Variants in ZNF746 observed in about 807,000 individuals in gnomAD.
The protein encoded by ZNF746 is zinc finger protein 746, also known as parkin-interacting substrate.
In ZNF746, 13 loss-of-function variants were observed where a neutral mutation model predicts 41.0. The observed-to-expected ratio is 0.32, with a 90% CI of 0.21 to 0.50. ZNF746 has a LOEUF of 0.50. Ranked by LOEUF, ZNF746 falls within the 20% of genes least tolerant of loss-of-function variation. ZNF746 has a pLI of 0.98. For missense variants in ZNF746, 811 were observed against 922.9 expected, an observed-to-expected ratio of 0.88 and a Z score of 1.57; for synonymous variants, 424 against 396.2, an observed-to-expected ratio of 1.07 and a Z score of -0.83.
At chr7:149,480,594 C>T (rs1208860171) in intron 4 of ZNF746, among the ~76,000 whole-genome samples, 2 of 151,930 alleles carry the variant, frequency 1.3e-5, no homozygotes, top group East Asian at 3.9e-4. Flanking sequence ...GCCTCTAGGC[C>T]CAGCTAATTT....
Position 149,497,743 on chromosome 7 carries a change from T to A in ZNF746, c.-207A>T. ...CGCCCGGCCGGTCCACACTGCATCC[T>A]GGGAGCCGGCGCCGCGGCCCGGCAG... On this transcript the variant is annotated 5_prime_UTR_variant, in exon 1 of 7. Transcript: ENST00000458143. This position sits in a 1 kb window ranked among gnomAD's most constrained non-coding sequence, Gnocchi z 4.2. 5.3e-6 allele frequency: 1 copy of A among 188,404 alleles called. No individual in the cohort carries two copies. The highest frequency in any genetic ancestry group is 9.9e-6 in the Non-Finnish European group (1 of 100,818). The allele number at this position is 188,404 out of a possible 1,614,324, so 11.7% of individuals were successfully genotyped here.
intron 5 of ZNF746, 36 bp downstream of exon 5, chr7:149,477,528 C>T (rs776865611): frequency 2.6e-6 from 4 of 1,562,594 alleles, no homozygotes; most frequent in Non-Finnish European, 3.5e-6. Context: ...GTGATCCCTG[C>T]AACTTGTTCC....
Position 149,497,060 on chromosome 7 carries a change from C to T in ZNF746, c.24+453G>A. 4.1e-6 allele frequency: 4 copies of T among 985,440 alleles called. No individual in the cohort carries two copies. The highest frequency in any genetic ancestry group is 4.8e-6 in the Non-Finnish European group (4 of 829,938). 61.0% of individuals were successfully genotyped at this position (985,440 alleles called of 1,614,324 possible). A position where few individuals can be genotyped will look rare whatever the true frequency, so the allele number is the denominator to read the frequency against. On this transcript the variant is annotated intron_variant, in intron 1 of 6. Transcript: ENST00000458143. This position sits in a 1 kb window ranked among gnomAD's most constrained non-coding sequence, Gnocchi z 4.2. ...TCTATATTCCCTTCCGCGCCGACCC[C>T]GGGAAGCTGGGCACGTAGTGGGAGT...
Position 149,491,460 on chromosome 7 carries a change from T to G in ZNF746, c.565+1399A>C, listed in dbSNP as rs1437935027. ...GGAAGCTGGGGACGCGCACGGGTTGTAACCCTCTTTTCCAGCCCAATAGTA... is the reference window on the plus strand; with the variant it reads ...GGAAGCTGGGGACGCGCACGGGTTGGAACCCTCTTTTCCAGCCCAATAGTA... On this transcript the variant is annotated intron_variant, in intron 4 of 6. Transcript: ENST00000458143. 3 of 168,950 alleles carry G rather than the reference T, an allele frequency of 1.8e-5. No homozygotes were observed. In the East Asian group the frequency reaches 4.6e-4, roughly 26 times the overall value. 10.5% of individuals were successfully genotyped at this position (168,950 alleles called of 1,614,324 possible). A position where few individuals can be genotyped will look rare whatever the true frequency, so the allele number is the denominator to read the frequency against.
At position 149,475,200 on chromosome 7, in the gene ZNF746, G is replaced by C; in HGVS notation, c.1167C>G (p.Leu389=). 6.2e-7 allele frequency: 1 copy of C among 1,612,940 alleles called. No homozygotes were observed. The highest frequency in any genetic ancestry group is 8.5e-7 in the Non-Finnish European group (1 of 1,179,810). ...AQEETPPGDW[L]FGGVRWGWNF... ...TCCAGCCCCACCGGACCCCTCCGAA[G>C]AGCCAGTCCCCAGGAGGGGTCTCCT... Residue 389 remains leucine (L), a synonymous_variant, in exon 7 of 7, where the codon CTC becomes CTG. Coordinates refer to ENST00000458143, the MANE Select transcript of ZNF746 (RefSeq NM_001394198.1).
chr7:149,474,561 G>A lies in ZNF746; in HGVS notation c.1806C>T (p.Arg602=), dbSNP rs1800218594. The stretch of plus-strand genomic sequence containing the variant: ...GGGTCTTGGCGCCCGCTGCATGGTT[G>A]CGCTGGTGCTTGCGGAGGTGGTCCT... ...IRKDHLRKHQ[R]NHAAGAKTPA... is the part of the protein sequence containing the mutation. The change falls in exon 7 of 7, where the codon CGC becomes CGT. Residue 602 remains arginine (R), a synonymous_variant. Transcript: ENST00000458143. This position sits in a 1 kb window ranked among gnomAD's most constrained non-coding sequence, Gnocchi z 6.3. The A allele has an allele frequency of 6.2e-7, 1 of 1,610,740 alleles. No homozygotes were observed. The highest frequency in any genetic ancestry group is 8.5e-7 in the Non-Finnish European group (1 of 1,178,418).
At position 149,477,730 on chromosome 7, in the gene ZNF746, T is replaced by G. The variant is rs143709187; in HGVS notation, c.591A>C (p.Pro197=). ...SPGSGPPVPA[P]DLLMQIKQEG... is the part of the protein sequence containing the mutation. ...CCTGCTTGATCTGCATCAAGAGGTC[T>G]GGGGCGGGAACTGGGGGCCCCGAGC... Residue 197 remains proline (P), a synonymous_variant, in exon 5 of 7, where the codon CCA becomes CCC. Transcript: ENST00000458143. The G allele has an allele frequency of 9.7e-4, 1,554 of 1,609,512 alleles. 6 individuals are homozygous for G. Among genetic ancestry groups the G allele is most frequent in the Non-Finnish European group, 1.1e-3 (1,238 of 1,176,782 alleles).
chr7:149,475,205 A>C lies in ZNF746; in HGVS notation c.1162T>G (p.Trp388Gly). The change falls in exon 7 of 7, where the codon TGG becomes GGG. Residue 388 changes from tryptophan (W) to glycine (G), a missense_variant. Physicochemically the swap from Trp to Gly is radical, Grantham distance 184. Around this residue, in one of 4 missense-constraint regions of ZNF746, gnomAD observed 495 missense variants for 481.6 expected, o/e 1.03. Transcript: ENST00000458143. Reference sequence around the variant, plus strand: ...CCCCACCGGACCCCTCCGAAGAGCCAGTCCCCAGGAGGGGTCTCCTCCTGG... The same window carrying C: ...CCCCACCGGACCCCTCCGAAGAGCCCGTCCCCAGGAGGGGTCTCCTCCTGG... Reference protein sequence around the residue: ...VAQEETPPGDWLFGGVRWGWN... With the variant: ...VAQEETPPGDGLFGGVRWGWN... 1.9e-6 allele frequency: 3 copies of C among 1,612,910 alleles called. No individual in the cohort carries two copies. Among genetic ancestry groups the C allele is most frequent in the Non-Finnish European group, 2.5e-6 (3 of 1,179,806 alleles).
At chr7:149,482,680 G>C (rs1393992322) in intron 4 of ZNF746, among the ~76,000 whole-genome samples, 1 of 152,112 alleles carries the variant, frequency 6.6e-6, no homozygotes, top group African/African-American at 2.4e-5. Flanking sequence ...GGCCAGGCTG[G>C]CCTCAAACTC....
intron 4 of ZNF746, among the ~76,000 whole-genome samples, chr7:149,478,842 AC>A (rs780658148): frequency 3.3e-5 from 5 of 152,258 alleles, no homozygotes; most frequent in Admixed American, 6.5e-5. Flanking sequence ...AAAGAACTCA[AC>A]ATTCTAGAAA....
rs1431453182 is a variant in ZNF746 at position 149,494,679 on chromosome 7, G to A, written c.25-176C>T. ...GCCATCACCTGCTTGGGTATGTTAG[G>A]TCTATGTCTGGGTGGGTGCCTTTAC... On this transcript the variant is annotated intron_variant, in intron 1 of 6. Coordinates refer to ENST00000458143, the MANE Select transcript of ZNF746 (RefSeq NM_001394198.1). The surrounding 1 kb of genome is among the most constrained non-coding windows in gnomAD (Gnocchi z 5.6). Among the ~76,000 whole-genome samples the A allele has an allele frequency of 6.6e-6, 1 of 151,288 alleles. No individual in the cohort carries two copies. The highest frequency in any genetic ancestry group is 1.5e-5 in the Non-Finnish European group (1 of 67,906).
Position 149,474,291 on chromosome 7 carries a change from C to T in ZNF746, c.*93G>A, listed in dbSNP as rs535252191. On this transcript the variant is annotated 3_prime_UTR_variant, in exon 7 of 7. Transcript: ENST00000458143. This position sits in a 1 kb window ranked among gnomAD's most constrained non-coding sequence, Gnocchi z 6.3. ...AACTTGGACATTTGGTTCTCCCCGT[C>T]CCGCGTCTGCCTGAAGCTTCCACGC... 3.2e-4 allele frequency: 463 copies of T among 1,434,020 alleles called. 2 individuals are homozygous for T. In the Middle Eastern group the frequency reaches 5.4e-3, roughly 17 times the overall value. 88.8% of individuals were successfully genotyped at this position (1,434,020 alleles called of 1,614,324 possible).
In ZNF746 at chr7:149,494,121, A is replaced by G. The variant is rs1196514054; in HGVS notation, c.325-6T>C. ...TCATCAAAGGTCACGGGCACCTGGA[A>G]CCACAAGTGTCACACTCGCTCACCC... On this transcript the variant is annotated splice_polypyrimidine_tract_variant and splice_region_variant and intron_variant, in intron 2 of 6. Coordinates refer to ENST00000458143, the MANE Select transcript of ZNF746 (RefSeq NM_001394198.1). This position sits in a 1 kb window ranked among gnomAD's most constrained non-coding sequence, Gnocchi z 5.6. 2 of 1,614,150 alleles carry G rather than the reference A, an allele frequency of 1.2e-6. No individual in the cohort carries two copies. Among genetic ancestry groups the G allele is most frequent in the Admixed American group, 1.7e-5 (1 of 60,030 alleles).
Position 149,477,036 on chromosome 7 carries a change from T to G in ZNF746, c.769A>C (p.Asn257His). Reference sequence around the variant, plus strand: ...GTGGGCGGGATGGTGGTGGAAAAGTTGGAATGGACACCTGCGGTAAGGGGA... The same window carrying G: ...GTGGGCGGGATGGTGGTGGAAAAGTGGGAATGGACACCTGCGGTAAGGGGA... ...STDATSGVHS[N>H]FSTTIPPTSW... Residue 257 changes from asparagine (N) to histidine (H), a missense_variant, in exon 6 of 7, where the codon AAC becomes CAC. By Grantham distance (68) the Asn-to-His change is moderately conservative. Transcript: ENST00000458143. The G allele has an allele frequency of 6.2e-7, 1 of 1,612,870 alleles. No individual in the cohort carries two copies. Among genetic ancestry groups the G allele is most frequent in the Non-Finnish European group, 8.5e-7 (1 of 1,179,674 alleles).
Position 149,474,235 on chromosome 7 carries a change from T to C in ZNF746, c.*149A>G, listed in dbSNP as rs1800199396. ...AGGTGGCAGCTGTCCTGGTGGATAGTTTCTCTTTCTCCAGTGATCATCAGT... is the reference window on the plus strand; with the variant it reads ...AGGTGGCAGCTGTCCTGGTGGATAGCTTCTCTTTCTCCAGTGATCATCAGT... On this transcript the variant is annotated 3_prime_UTR_variant, in exon 7 of 7. Transcript: ENST00000458143. The surrounding 1 kb of genome is among the most constrained non-coding windows in gnomAD (Gnocchi z 6.3). 1 of 885,000 alleles carries C rather than the reference T, an allele frequency of 1.1e-6. No homozygotes were observed. The highest frequency in any genetic ancestry group is 1.7e-6 in the Non-Finnish European group (1 of 591,542). The allele number at this position is 885,000 out of a possible 1,614,324, so 54.8% of individuals were successfully genotyped here.
chr7:149,491,694 C>T (rs1267256066), intron 4 of ZNF746: 1 of 576,318 alleles, frequency 1.7e-6, no homozygotes, highest in Non-Finnish European at 3.1e-6. Context: ...TAATTTCACA[C>T]AAGTGGCGCA....
At chr7:149,487,647 CAA>C (rs969042959) in intron 4 of ZNF746, 4 of 151,760 alleles carry the variant, frequency 2.6e-5, no homozygotes, top group South Asian at 2.1e-4. Context: ...TTTTAATAAA[CAA>C]AAGTCAACAG....
chr7:149,497,455 G>T lies in ZNF746; in HGVS notation c.24+58C>A. 2 of 1,072,884 alleles carry T rather than the reference G, an allele frequency of 1.9e-6. No individual in the cohort carries two copies. 66.5% of individuals were successfully genotyped at this position (1,072,884 alleles called of 1,614,324 possible). ...CAGGGCCTGCGGCGCCGTGTGCCGGGGCCGGGCCGCCTGGGGCCCCCAGGC... is the reference window on the plus strand; with the variant it reads ...CAGGGCCTGCGGCGCCGTGTGCCGGTGCCGGGCCGCCTGGGGCCCCCAGGC... On this transcript the variant is annotated intron_variant, in intron 1 of 6. Transcript: ENST00000458143. This position sits in a 1 kb window ranked among gnomAD's most constrained non-coding sequence, Gnocchi z 4.2.
At chr7:149,475,520 T>G (rs1167677468) in intron 6 of ZNF746, 37 bp from the exon 7 acceptor site, 9 of 1,566,670 alleles carry the variant, frequency 5.7e-6, no homozygotes, top group African/African-American at 1.3e-5. Flanking sequence ...GACCTGTCCC[T>G]TAACTGCTGA....
Sources: gnomAD v4.1 joint callset for allele counts (sites outside exome capture counted in the v4.1 genomes callset) on GRCh38, gnomAD v4.1.1 for gene constraint, gnomAD v4.1.1 regional missense constraint, Gnocchi (gnomAD v3.1) non-coding constraint, MANE v1.5 for transcripts, NCBI Gene and HGNC (gene_info 2026-07-23, HGNC 2026-07-21) for gene names.